The following REL variants were observed in gnomAD, a reference collection of about 807,000 sequenced individuals.
REL encodes the protein REL proto-oncogene, NF-kB subunit.
In REL, 15 loss-of-function variants were observed where a neutral mutation model predicts 45.9. The ratio of observed to expected loss-of-function variants is 0.33; its 90% CI spans 0.22 to 0.50. REL has a LOEUF of 0.50. Ranked by LOEUF, REL falls within the 20% of genes least tolerant of loss-of-function variation. The pLI is 0.98. For missense variants in REL, 601 were observed against 715.2 expected (o/e 0.84, Z 1.82); for synonymous variants, 239 against 242.1 (o/e 0.99, Z 0.12).
At chr2:60,883,053 G>C (rs1272716751) in intron 1 of REL, among the ~76,000 whole-genome samples, 2 of 152,102 alleles carry the variant, frequency 1.3e-5, no homozygotes, top group African/African-American at 4.8e-5. Context: ...TCTTTTACCA[G>C]GATTTTGGCA....
At chr2:60,883,729 G>T (rs999177478) in intron 1 of REL, among the ~76,000 whole-genome samples, 2 of 151,688 alleles carry the variant, frequency 1.3e-5, no homozygotes, top group Non-Finnish European at 2.9e-5. Flanking sequence ...ATTTAAATTT[G>T]TTCATTGACA....
rs1453039456 is a variant in REL, at chr2:60,928,197, T to C, written c.*5662T>C. 5.9e-6 allele frequency: 1 copy of C among 168,320 alleles called. No individual in the cohort carries two copies. Among genetic ancestry groups the C allele is most frequent in the African/African-American group, 2.4e-5 (1 of 41,178 alleles). 10.4% of individuals were successfully genotyped at this position (168,320 alleles called of 1,614,324 possible). On this transcript the variant is annotated 3_prime_UTR_variant, in exon 10 of 10. Coordinates refer to ENST00000394479, the MANE Select transcript of REL (RefSeq NM_001291746.2). ...GAGGATACAACCAAATGGAAGAACA[T>C]TCCATGCTCATGGGTAGGAAGAATC...
rs761863249 is a variant in REL, at chr2:60,918,407, T to A, written c.654T>A (p.Val218=). 1 of 1,613,904 alleles carries A rather than the reference T, an allele frequency of 6.2e-7. No individual in the cohort carries two copies. The highest frequency in any genetic ancestry group is 1.1e-5 in the South Asian group (1 of 91,046). Reference sequence around the variant, plus strand: ...CTTATTGACTAGATGACATAGAAGTTCGTTTTGTGTTGAACGATTGGGAAG... The same window carrying A: ...CTTATTGACTAGATGACATAGAAGTACGTTTTGTGTTGAACGATTGGGAAG... ...CDKVQKDDIE[V]RFVLNDWEAK... is the part of the protein sequence containing the mutation. The change falls in exon 7 of 10, where the codon GTT becomes GTA. Residue 218 remains valine, a synonymous_variant. Coordinates refer to ENST00000394479, the MANE Select transcript of REL (RefSeq NM_001291746.2).
At chr2:60,917,361 T>A (rs1674003134) in intron 5 of REL, among the ~76,000 whole-genome samples, 1 of 152,170 alleles carries the variant, frequency 6.6e-6, no homozygotes, top group African/African-American at 2.4e-5. Context: ...GACATTTTCC[T>A]TTTAATCACC....
chr2:60,907,812 TC>T (rs1310138405), intron 4 of REL, among the ~76,000 whole-genome samples: 1 of 151,584 alleles, frequency 6.6e-6, no homozygotes, highest in East Asian at 1.9e-4. Context: ...TGCCTCAGCC[TC>T]CCGAGTAGCT....
At chr2:60,900,563 G>A in intron 3 of REL, 1 of 152,454 alleles carries the variant, frequency 6.6e-6, no homozygotes, top group Non-Finnish European at 1.4e-5. Flanking sequence ...TGCTTTTGTT[G>A]CCCAGGCTGG....
rs1674227551 is a variant in REL at position 60,924,669 on chromosome 2, C to T, written c.*2134C>T. On this transcript the variant is annotated 3_prime_UTR_variant, in exon 10 of 10. Transcript: ENST00000394479. ...GAGGTTCATTGAGAATCTCTAAATC[C>T]ATGTTTTGACATTGTCAAGCTCATT... is the stretch of plus-strand genomic sequence containing the variant. 4.7e-6 allele frequency: 1 copy of T among 212,058 alleles called. No individual in the cohort carries two copies. The highest frequency in any genetic ancestry group is 2.3e-5 in the African/African-American group (1 of 44,210). The allele number at this position is 212,058 out of a possible 1,614,324, so 13.1% of individuals were successfully genotyped here.
chr2:60,912,258 T>C (rs1432658919), intron 4 of REL, among the ~76,000 whole-genome samples: 10 of 151,996 alleles, frequency 6.6e-5, no homozygotes, highest in Admixed American at 6.6e-4. Flanking sequence ...ACTGGAATAA[T>C]TGGGTAAATC....
At chr2:60,888,326 A>G (rs1673120831) in intron 1 of REL, among the ~76,000 whole-genome samples, 1 of 152,188 alleles carries the variant, frequency 6.6e-6, no homozygotes, top group African/African-American at 2.4e-5. Context: ...GTCATTTTAT[A>G]TCAGTTTCCC....
Position 60,923,712 on chromosome 2 carries a change from C to G in REL, c.*1177C>G, listed in dbSNP as rs1367684328. On this transcript the variant is annotated 3_prime_UTR_variant, in exon 10 of 10. Coordinates refer to ENST00000394479, the MANE Select transcript of REL (RefSeq NM_001291746.2). ...TCACAATATATCTAAAGCTGACCAC[C>G]TCTTTTGACCTCTACTATTAACGCC... is the stretch of plus-strand genomic sequence containing the variant. 4.3e-6 allele frequency: 1 copy of G among 232,992 alleles called. No homozygotes were observed. The highest frequency in any genetic ancestry group is 8.5e-6 in the Non-Finnish European group (1 of 117,964). 14.4% of individuals were successfully genotyped at this position (232,992 alleles called of 1,614,324 possible).
chr2:60,903,461 C>T (rs950022019), intron 4 of REL, among the ~76,000 whole-genome samples: 2 of 152,078 alleles, frequency 1.3e-5, no homozygotes, highest in Non-Finnish European at 2.9e-5. Context: ...GCAGCCTTGA[C>T]CTCCCAGGCT....
chr2:60,925,411 AC>A lies in REL; in HGVS notation c.*2878del, dbSNP rs1448054706. The A allele has an allele frequency of 2.1e-5, 4 of 189,392 alleles. No homozygotes were observed. The highest frequency in any genetic ancestry group is 9.3e-5 in the African/African-American group (4 of 42,880). 11.7% of individuals were successfully genotyped at this position (189,392 alleles called of 1,614,324 possible). On this transcript the variant is annotated 3_prime_UTR_variant, in exon 10 of 10. Transcript: ENST00000394479. ...GAAAAAAAAAGAAAGACCCCTGAGT[AC>A]CATTAATATTCCTCAGAAATTATTA...
intron 1 of REL, among the ~76,000 whole-genome samples, chr2:60,885,750 G>T (rs936039294): frequency 3.3e-5 from 5 of 152,136 alleles, no homozygotes; most frequent in African/African-American, 4.8e-5. Flanking sequence ...TAGGTCTCAG[G>T]CAAAGTCTGT....
intron 4 of REL, among the ~76,000 whole-genome samples, chr2:60,910,053 A>T (rs1673769139): frequency 1.3e-5 from 2 of 152,234 alleles, no homozygotes. Flanking sequence ...ATTCCTGCTT[A>T]TGAAAAATAT....
At chr2:60,895,280 T>G (rs1285275071) in intron 3 of REL, among the ~76,000 whole-genome samples, 1 of 151,162 alleles carries the variant, frequency 6.6e-6, no homozygotes, top group African/African-American at 2.4e-5. Context: ...ACCTCCAGAC[T>G]CAAGTGATCT....
At position 60,924,987 on chromosome 2, in the gene REL, A is replaced by C. The variant is rs1403328186; in HGVS notation, c.*2452A>C. ...TTTCACTTTGCTTCAAAACGTAGTT[A>C]TATTTTGGAGTTTTCATTTGATATA... On this transcript the variant is annotated 3_prime_UTR_variant, in exon 10 of 10. Transcript: ENST00000394479. 1 of 206,272 alleles carries C rather than the reference A, an allele frequency of 4.8e-6. No individual in the cohort carries two copies. The highest frequency in any genetic ancestry group is 9.9e-6 in the Non-Finnish European group (1 of 100,986). The allele number at this position is 206,272 out of a possible 1,614,324, so 12.8% of individuals were successfully genotyped here. A position where few individuals can be genotyped will look rare whatever the true frequency, so the allele number is the denominator to read the frequency against.
chr2:60,921,659 AT>A, intron 9 of REL, 103 bp from the exon 10 acceptor site: 1 of 999,910 alleles, frequency 1.0e-6, no homozygotes, highest in South Asian at 1.8e-5. Flanking sequence ...TTTCCTTGAC[AT>A]TTTTCTTTAT....
intron 3 of REL, among the ~76,000 whole-genome samples, chr2:60,894,998 A>G (rs1052365110): frequency 6.6e-6 from 1 of 151,606 alleles, no homozygotes; most frequent in Non-Finnish European, 1.5e-5. Context: ...CTGGGATTAC[A>G]GGCATGCACC....
chr2:60,894,851 CTTTT>C (rs558726227), intron 3 of REL, among the ~76,000 whole-genome samples: 1 of 106,758 alleles, frequency 9.4e-6, no homozygotes. Flanking sequence ...TTCACTCTGT[CTTTT>C]TTTTTTTTTT....
Sources: allele counts gnomAD v4.1 joint callset (sites outside exome capture counted in the v4.1 genomes callset), GRCh38; gene constraint gnomAD v4.1.1; transcripts MANE v1.5; gene names NCBI Gene and HGNC (gene_info 2026-07-23, HGNC 2026-07-21).